Variants in RHBDL3 observed in about 807,000 individuals in gnomAD.
RHBDL3 encodes the protein rhomboid-related protein 3.
In RHBDL3, 28 loss-of-function variants were observed where a neutral mutation model predicts 48.2. The ratio of observed to expected loss-of-function variants is 0.58; its 90% CI spans 0.43 to 0.80. RHBDL3 has a LOEUF of 0.80. RHBDL3 is among the 30% of genes least tolerant of loss of function. RHBDL3 has a pLI of 0.00. For synonymous variants in RHBDL3, 208 were observed against 232.3 expected (o/e 0.90, Z 0.95); for missense variants, 464 against 542.7 (o/e 0.85, Z 1.44).
At chr17:32,281,645 A>G (rs1220291895) in intron 2 of RHBDL3, among the ~76,000 whole-genome samples, 2 of 152,134 alleles carry the variant, frequency 1.3e-5, no homozygotes, top group Non-Finnish European at 2.9e-5. Flanking sequence ...GAGGGGTCCC[A>G]GGCACCAAAG....
intron 8 of RHBDL3, 56 bp from the exon 9 acceptor site, chr17:32,320,902 C>A: frequency 7.6e-7 from 1 of 1,322,034 alleles, no homozygotes; most frequent in Non-Finnish European, 1.1e-6. Flanking sequence ...AAGTGAAGGC[C>A]CTCAGCCCCT....
rs769268879 is a variant in RHBDL3 at position 32,288,979 on chromosome 17, C to A, written c.482C>A (p.Pro161His). 1.2e-6 allele frequency: 2 copies of A among 1,614,150 alleles called. No homozygotes were observed. The highest frequency in any genetic ancestry group is 1.7e-6 in the Non-Finnish European group (2 of 1,180,024). ...KWYYDSYTCC[P>H]PPWFMITVTL... ...TACTATGACAGCTACACCTGCTGCC[C>A]CCCACCCTGGTTCATGATCACAGTC... Residue 161 changes from proline to histidine, a missense_variant, in exon 4 of 9, where the codon CCC becomes CAC. Transcript: ENST00000269051.
At chr17:32,300,411 CA>C (rs1006263532) in intron 6 of RHBDL3, among the ~76,000 whole-genome samples, 11 of 151,934 alleles carry the variant, frequency 7.2e-5, no homozygotes, top group African/African-American at 2.4e-4. Context: ...ATTAGCTGGG[CA>C]TGGTGGTGTA....
chr17:32,319,733 A>G (rs564585974), intron 8 of RHBDL3, among the ~76,000 whole-genome samples: 22 of 152,352 alleles, frequency 1.4e-4, no homozygotes, highest in Non-Finnish European at 2.5e-4. Context: ...GGTGGAGAGA[A>G]GTGCCCTGGC....
Position 32,321,088 on chromosome 17 carries a change from G to C in RHBDL3, c.1074G>C (p.Leu358=). The C allele has an allele frequency of 6.2e-7, 1 of 1,614,266 alleles. No individual in the cohort carries two copies. Among genetic ancestry groups the C allele is most frequent in the Non-Finnish European group, 8.5e-7 (1 of 1,180,040 alleles). ...GCATCACCCTGGGCGTGGTGGTCCT[G>C]AGGAACTACGAGCAGAGGCTCCAGG... is the stretch of plus-strand genomic sequence containing the variant. ...AVGITLGVVV[L]RNYEQRLQDQ... Residue 358 remains leucine, a synonymous_variant, in exon 9 of 9, where the codon CTG becomes CTC. Transcript: ENST00000269051.
At chr17:32,288,344 C>T (rs1400544670) in intron 3 of RHBDL3, 2 of 174,218 alleles carry the variant, frequency 1.1e-5, no homozygotes, top group Non-Finnish European at 2.5e-5. Flanking sequence ...CTGTCTTGAG[C>T]ACCACCGTAT....
rs572711376 is a variant in RHBDL3, at chr17:32,324,228, C to A, written c.*2999C>A. The A allele has an allele frequency of 6.5e-6, 1 of 152,748 alleles. No homozygotes were observed. The highest frequency in any genetic ancestry group is 2.1e-4 in the South Asian group (1 of 4,828). The allele number at this position is 152,748 out of a possible 1,614,324, so 9.5% of individuals were successfully genotyped here. Reference sequence around the variant, plus strand: ...GAAATTTCGCTTTAATGACACCATTCATCATTCGTTTTTTAATTAGGAAAA... The same window carrying A: ...GAAATTTCGCTTTAATGACACCATTAATCATTCGTTTTTTAATTAGGAAAA... On this transcript the variant is annotated 3_prime_UTR_variant, in exon 9 of 9. Coordinates refer to ENST00000269051, the MANE Select transcript of RHBDL3 (RefSeq NM_138328.3).
rs369020957 is a variant in RHBDL3, at chr17:32,312,691, T to A, written c.883-3541T>A. ...TACCACCACACCCAGCTAATTTTTTTATATGTTTAGTAGAGATGGGGTTTT... is the reference window on the plus strand; with the variant it reads ...TACCACCACACCCAGCTAATTTTTTAATATGTTTAGTAGAGATGGGGTTTT... On this transcript the variant is annotated intron_variant, in intron 7 of 8. Coordinates refer to ENST00000269051, the MANE Select transcript of RHBDL3 (RefSeq NM_138328.3). Among the ~76,000 whole-genome samples, 90 of 151,670 alleles carry A rather than the reference T, an allele frequency of 5.9e-4. No individual in the cohort carries two copies. The East Asian group carries it at 0.016, about 27-fold the overall frequency.
At chr17:32,283,518 T>C (rs1482238732) in intron 2 of RHBDL3, among the ~76,000 whole-genome samples, 2 of 151,564 alleles carry the variant, frequency 1.3e-5, no homozygotes, top group Non-Finnish European at 2.9e-5. Flanking sequence ...AGAGACGGGG[T>C]TTCACCGTGT....
chr17:32,303,807 C>T (rs2040644325), intron 6 of RHBDL3, among the ~76,000 whole-genome samples: 1 of 152,102 alleles, frequency 6.6e-6, no homozygotes, highest in African/African-American at 2.4e-5. Context: ...CTGCCAGGTC[C>T]TTGGGTGCTC....
chr17:32,305,536 C>T, intron 7 of RHBDL3, 95 bp downstream of exon 7: 1 of 854,180 alleles, frequency 1.2e-6, no homozygotes, highest in Non-Finnish European at 2.0e-6. Context: ...TCACCAAAAA[C>T]CAGGCAGACC....
chr17:32,319,839 A>G (rs2041077567), intron 8 of RHBDL3, among the ~76,000 whole-genome samples: 1 of 152,206 alleles, frequency 6.6e-6, no homozygotes, highest in African/African-American at 2.4e-5. Context: ...TAAAATGGGA[A>G]TAAGAATATC....
intron 6 of RHBDL3, among the ~76,000 whole-genome samples, chr17:32,300,227 G>T (rs542004932): frequency 6.6e-6 from 1 of 152,286 alleles, no homozygotes; most frequent in African/African-American, 2.4e-5. Context: ...GGTGGTCCTT[G>T]TCCTTTTTGC....
rs750073428 is a variant in RHBDL3, at chr17:32,284,778, C to T, written c.255C>T (p.His85=). 2.5e-5 allele frequency: 40 copies of T among 1,613,892 alleles called. No homozygotes were observed. The highest frequency in any genetic ancestry group is 3.1e-5 in the Non-Finnish European group (36 of 1,180,012). ...TCCTCCTGGCTCTTGCCGACAGCCA[C>T]GCGGATGGGCAGATCGGCTACCAGG... ...REVLLALADS[H]ADGQIGYQDF... Residue 85 remains histidine, a synonymous_variant, in exon 3 of 9, where the codon CAC becomes CAT. Coordinates refer to ENST00000269051, the MANE Select transcript of RHBDL3 (RefSeq NM_138328.3).
chr17:32,313,386 T>C (rs751889190), intron 7 of RHBDL3, among the ~76,000 whole-genome samples: 6 of 152,180 alleles, frequency 3.9e-5, no homozygotes, highest in Non-Finnish European at 7.3e-5. Context: ...TTGCTTTTAA[T>C]TGTGATAAAT....
intron 7 of RHBDL3, among the ~76,000 whole-genome samples, chr17:32,315,025 G>C (rs2040937882): frequency 6.6e-6 from 1 of 152,246 alleles, no homozygotes; most frequent in Non-Finnish European, 1.5e-5. Context: ...GAAGGGAGGA[G>C]GTGGGCAAGA....
At chr17:32,310,411 T>C (rs1422740950) in intron 7 of RHBDL3, among the ~76,000 whole-genome samples, 1 of 151,286 alleles carries the variant, frequency 6.6e-6, no homozygotes, top group East Asian at 2.0e-4. Flanking sequence ...AAACCCCATA[T>C]CTACTAAAAA....
At chr17:32,269,649 G>GGA (rs1464703094) in intron 2 of RHBDL3, among the ~76,000 whole-genome samples, 9 of 152,258 alleles carry the variant, frequency 5.9e-5, no homozygotes. Context: ...CCCCAAGGCA[G>GGA]GAGGGAGCCC....
At chr17:32,317,615 C>G (rs1006070886) in intron 8 of RHBDL3, among the ~76,000 whole-genome samples, 2 of 152,088 alleles carry the variant, frequency 1.3e-5, no homozygotes, top group African/African-American at 2.4e-5. Flanking sequence ...GTTAGCAAAA[C>G]CAAGAAATTC....
Sources: gnomAD v4.1 joint callset for allele counts (sites outside exome capture counted in the v4.1 genomes callset) on GRCh38, gnomAD v4.1.1 for gene constraint, MANE v1.5 for transcripts, NCBI Gene and HGNC (gene_info 2026-07-23, HGNC 2026-07-21) for gene names.